CAMK1D: variants seen among roughly 807,000 people sequenced by gnomAD.
The protein encoded by CAMK1D is calcium/calmodulin dependent protein kinase ID, also known as calcium/calmodulin-dependent protein kinase type 1D.
CAMK1D carries 9 observed loss-of-function variants against 47.7 expected under a neutral mutation model. The ratio of observed to expected loss-of-function variants is 0.19; its 90% CI spans 0.11 to 0.33. The LOEUF is 0.33. CAMK1D is among the 10% of genes least tolerant of loss of function. The pLI is 1.00. For synonymous variants in CAMK1D, 184 were observed against 184.9 expected (o/e 0.99, Z 0.04); for missense variants, 291 against 488.7 (o/e 0.60, Z 3.81).
At chr10:12,638,830 A>G (rs1486073634) in intron 2 of CAMK1D, among the ~76,000 whole-genome samples, 1 of 152,116 alleles carries the variant, frequency 6.6e-6, no homozygotes, top group Non-Finnish European at 1.5e-5. Flanking sequence ...CGAGGGGGTG[A>G]GGTTCCCCAT....
intron 2 of CAMK1D, among the ~76,000 whole-genome samples, chr10:12,624,444 C>T (rs76921050): frequency 0.26 from 39,677 of 152,082 alleles, 5,393 homozygotes; most frequent in South Asian, 0.38. Context: ...TCTCCACTCT[C>T]GGATTCTGTG....
intron 1 of CAMK1D, among the ~76,000 whole-genome samples, chr10:12,477,400 G>A (rs1833933869): frequency 6.6e-6 from 1 of 152,174 alleles, no homozygotes; most frequent in East Asian, 1.9e-4. Flanking sequence ...GGGTGACAGA[G>A]CAAGACTCTG....
intron 2 of CAMK1D, among the ~76,000 whole-genome samples, chr10:12,590,148 CTTG>C (rs1837953806): frequency 6.6e-6 from 1 of 152,176 alleles, no homozygotes; most frequent in South Asian, 2.1e-4. Context: ...TACTTTATTT[CTTG>C]CTGCGGAGTT....
intron 2 of CAMK1D, among the ~76,000 whole-genome samples, chr10:12,601,191 TTG>T (rs1398814979): frequency 1.8e-4 from 16 of 89,574 alleles, no homozygotes; most frequent in Non-Finnish European, 1.8e-4. Context: ...TTTTGTTTGT[TTG>T]TTTTTTTTTT....
chr10:12,447,956 A>G (rs1236789044), intron 1 of CAMK1D, among the ~76,000 whole-genome samples: 2 of 152,164 alleles, frequency 1.3e-5, no homozygotes, highest in Non-Finnish European at 2.9e-5. Flanking sequence ...GATTCAAGTG[A>G]TTGTCCTGCC....
At chr10:12,468,429 G>T (rs2724798) in intron 1 of CAMK1D, among the ~76,000 whole-genome samples, 2,690 of 152,320 alleles carry the variant, frequency 0.018, 76 homozygotes, top group African/African-American at 0.061. Context: ...AAGCCATGTT[G>T]TGGGCCACAG....
At chr10:12,671,460 A>G (rs1588764703) in intron 3 of CAMK1D, among the ~76,000 whole-genome samples, 1 of 151,996 alleles carries the variant, frequency 6.6e-6, no homozygotes, top group East Asian at 1.9e-4. Flanking sequence ...CATCCTTATT[A>G]ACACTTACTC....
intron 2 of CAMK1D, among the ~76,000 whole-genome samples, chr10:12,563,380 T>G (rs557741797): frequency 3.2e-4 from 48 of 152,212 alleles, no homozygotes; most frequent in African/African-American, 1.1e-3. Flanking sequence ...AAGAACAAAT[T>G]GATTCTTCCT....
At chr10:12,546,875 G>A (rs990425713) in intron 1 of CAMK1D, among the ~76,000 whole-genome samples, 2 of 151,950 alleles carry the variant, frequency 1.3e-5, no homozygotes, top group South Asian at 2.1e-4. Context: ...GAGTTAATGG[G>A]TGCAGCACAC....
At chr10:12,712,870 G>C (rs1001359881) in intron 3 of CAMK1D, among the ~76,000 whole-genome samples, 2 of 152,110 alleles carry the variant, frequency 1.3e-5, no homozygotes, top group East Asian at 1.9e-4. Context: ...GTAAAGCAGC[G>C]AAGGGGAGGG....
Position 12,722,307 on chromosome 10 carries a change from T to G in CAMK1D, c.300-38641T>G, listed in dbSNP as rs1330143803. The stretch of plus-strand genomic sequence containing the variant: ...AAAAATACAAAACAATTAGCCGGGC[T>G]TGGTGGTGGGTGCCTGTAGTCCCAG... On this transcript the variant is annotated intron_variant, in intron 3 of 10. Transcript: ENST00000619168. 2.7e-5 allele frequency among the ~76,000 whole-genome samples: 4 copies of G among 150,690 alleles called. No individual in the cohort carries two copies. In the South Asian group the frequency reaches 6.3e-4, roughly 24 times the overall value.
chr10:12,380,367 G>C (rs1039766813), intron 1 of CAMK1D, among the ~76,000 whole-genome samples: 4 of 152,144 alleles, frequency 2.6e-5, no homozygotes, highest in Admixed American at 6.5e-5. Context: ...GGTTTTTAAG[G>C]CTACAAGGAA....
intron 5 of CAMK1D, among the ~76,000 whole-genome samples, chr10:12,770,706 C>G (rs1168348212): frequency 2.0e-5 from 3 of 151,950 alleles, no homozygotes; most frequent in Non-Finnish European, 4.4e-5. Flanking sequence ...CAGGACTGGG[C>G]TGAGAGGACA....
intron 2 of CAMK1D, among the ~76,000 whole-genome samples, chr10:12,576,100 A>G (rs1359808750): frequency 6.6e-6 from 1 of 152,242 alleles, no homozygotes; most frequent in Non-Finnish European, 1.5e-5. Context: ...AGTGAAAGCA[A>G]AAATGTGAAC....
intron 2 of CAMK1D, among the ~76,000 whole-genome samples, chr10:12,600,549 C>T (rs1838271856): frequency 6.6e-6 from 1 of 152,164 alleles, no homozygotes; most frequent in Non-Finnish European, 1.5e-5. Context: ...TCCTTTTTAG[C>T]AACCAAGAAG....
intron 9 of CAMK1D, 96 bp downstream of exon 9, chr10:12,824,648 G>C (rs1161528840): frequency 1.0e-6 from 1 of 977,312 alleles, no homozygotes; most frequent in Non-Finnish European, 1.6e-6. Flanking sequence ...AACCTCACCT[G>C]AATAATTTTG....
intron 1 of CAMK1D, among the ~76,000 whole-genome samples, chr10:12,411,525 GA>G (rs902909965): frequency 6.7e-5 from 10 of 148,478 alleles, no homozygotes; most frequent in South Asian, 2.1e-4. Flanking sequence ...TGTGCCGATG[GA>G]AAAAAAAATG....
At chr10:12,394,015 C>G (rs971352098) in intron 1 of CAMK1D, among the ~76,000 whole-genome samples, 1 of 152,212 alleles carries the variant, frequency 6.6e-6, no homozygotes, top group Non-Finnish European at 1.5e-5. Context: ...ACACCCCCTC[C>G]GCTTCAGACG....
At chr10:12,822,154 A>C (rs181808006) in intron 8 of CAMK1D, among the ~76,000 whole-genome samples, 51 of 152,338 alleles carry the variant, frequency 3.3e-4, no homozygotes, top group African/African-American at 1.2e-3. Flanking sequence ...AAGCGTGCTG[A>C]AGTTAGTGAC....
Sources: allele counts gnomAD v4.1 joint callset (sites outside exome capture counted in the v4.1 genomes callset), GRCh38; gene constraint gnomAD v4.1.1; transcripts MANE v1.5; gene names NCBI Gene and HGNC (gene_info 2026-07-23, HGNC 2026-07-21).